Variants in MAGI2 observed in about 807,000 individuals in gnomAD.
MAGI2 encodes the protein membrane-associated guanylate kinase, WW and PDZ domain-containing protein 2.
MAGI2 carries 35 observed loss-of-function variants against 133.3 expected under a neutral mutation model. That is an observed-to-expected ratio of 0.26 (90% CI 0.20 to 0.35). MAGI2 has a LOEUF of 0.35. Among genes scored for constraint, MAGI2 ranks in the 10% least tolerant of loss-of-function variants. The pLI is 1.00. For missense variants in MAGI2, 1,636 were observed against 1,863.4 expected, an observed-to-expected ratio of 0.88 and a Z score of 2.25; for synonymous variants, 729 against 710.6, an observed-to-expected ratio of 1.03 and a Z score of -0.41.
intron 20 of MAGI2, among the ~76,000 whole-genome samples, chr7:78,085,403 T>A (rs1219906744): frequency 6.6e-6 from 1 of 151,806 alleles, no homozygotes; most frequent in African/African-American, 2.4e-5. Context: ...TGGTGGTGCA[T>A]GCCTAGCTAC....
Position 79,118,837 on chromosome 7 carries a change from T to TCA in MAGI2, c.302-111632_302-111631insTG, listed in dbSNP as rs1554367923. 5.3e-5 allele frequency among the ~76,000 whole-genome samples: 8 copies of TCA among 152,228 alleles called. No homozygotes were observed. The East Asian group carries it at 1.4e-3, about 26-fold the overall frequency. The stretch of plus-strand genomic sequence containing the variant: ...TTGGCTTCAGGATATCATTGCTTCT[T>TCA]TATATATATCAATTAAGAAAGAAAC... On this transcript the variant is annotated intron_variant, in intron 1 of 21. Coordinates refer to ENST00000354212, the MANE Select transcript of MAGI2 (RefSeq NM_012301.4).
intron 20 of MAGI2, among the ~76,000 whole-genome samples, chr7:78,093,323 G>A (rs1485152335): frequency 2.0e-5 from 3 of 151,106 alleles, no homozygotes; most frequent in Non-Finnish European, 4.4e-5. Context: ...TCATGGTGGC[G>A]CACGCCTGTA....
intron 2 of MAGI2, among the ~76,000 whole-genome samples, chr7:78,983,607 A>T (rs962077938): frequency 6.6e-6 from 1 of 152,100 alleles, no homozygotes; most frequent in African/African-American, 2.4e-5. Flanking sequence ...CTTGCATTCT[A>T]TATAAAAAAG....
intron 13 of MAGI2, among the ~76,000 whole-genome samples, chr7:78,183,306 G>A (rs2150698968): frequency 7.5e-6 from 1 of 132,838 alleles, no homozygotes; most frequent in Non-Finnish European, 1.6e-5. Flanking sequence ...TCGCTCTGTT[G>A]CCAGACTGGA....
chr7:78,807,466 T>A (rs553053504), intron 2 of MAGI2, among the ~76,000 whole-genome samples: 65 of 152,298 alleles, frequency 4.3e-4, no homozygotes, highest in Non-Finnish European at 8.4e-4. Context: ...TTTCATTCAG[T>A]CTGTTGCAAT....
intron 1 of MAGI2, among the ~76,000 whole-genome samples, chr7:79,379,819 C>T (rs1324883817): frequency 6.8e-6 from 1 of 147,154 alleles, no homozygotes; most frequent in African/African-American, 2.5e-5. Flanking sequence ...CTCATTATTT[C>T]TCCCCCCAAC....
At chr7:79,290,282 C>T (rs1328517688) in intron 1 of MAGI2, among the ~76,000 whole-genome samples, 2 of 151,868 alleles carry the variant, frequency 1.3e-5, no homozygotes, top group African/African-American at 4.8e-5. Flanking sequence ...GCTAAACTCA[C>T]CACTTTCCTT....
At position 78,765,701 on chromosome 7, in the gene MAGI2, C is replaced by T. The variant is rs141725458; in HGVS notation, c.419-138462G>A. On this transcript the variant is annotated intron_variant, in intron 2 of 21. Transcript: ENST00000354212. ...TGATTTGAAGTCCTACAGATAGATA[C>T]GGTTGTGAGCAAAATGAATTTGGAC... Among the ~76,000 whole-genome samples the T allele has an allele frequency of 5.8e-3, 885 of 152,076 alleles. 3 individuals carry two copies. Among genetic ancestry groups the T allele is most frequent in the African/African-American group, 0.02 (833 of 41,460 alleles).
intron 6 of MAGI2, among the ~76,000 whole-genome samples, chr7:78,462,000 A>G (rs1326710321): frequency 6.6e-6 from 1 of 151,040 alleles, no homozygotes; most frequent in Non-Finnish European, 1.5e-5. Context: ...TTAAGTGATT[A>G]TAAGGTGAGG....
intron 1 of MAGI2, among the ~76,000 whole-genome samples, chr7:79,396,270 A>G (rs1294173003): frequency 6.6e-6 from 1 of 151,960 alleles, no homozygotes; most frequent in Non-Finnish European, 1.5e-5. Flanking sequence ...TGTCCATTCT[A>G]TGTTCTCTTT....
chr7:79,380,025 AC>A (rs1843671466), intron 1 of MAGI2, among the ~76,000 whole-genome samples: 1 of 151,718 alleles, frequency 6.6e-6, no homozygotes, highest in South Asian at 2.1e-4. Context: ...TAAATGTTAG[AC>A]CTAAAACCAT....
intron 1 of MAGI2, among the ~76,000 whole-genome samples, chr7:79,438,563 G>T (rs1440851643): frequency 1.3e-5 from 2 of 152,054 alleles, no homozygotes; most frequent in South Asian, 4.1e-4. Context: ...CCCCTGTACA[G>T]TAAATTTTCG....
intron 9 of MAGI2, among the ~76,000 whole-genome samples, chr7:78,295,107 TTA>T (rs573404971): frequency 2.0e-5 from 3 of 152,114 alleles, no homozygotes; most frequent in Non-Finnish European, 4.4e-5. Flanking sequence ...TCTATGACTT[TTA>T]GTTTTTTGTG....
chr7:78,029,672 CTGCGTGTTGAAAACCAT>C (rs1338273379), intron 21 of MAGI2, among the ~76,000 whole-genome samples: 18 of 152,002 alleles, frequency 1.2e-4, no homozygotes, highest in Admixed American at 1.3e-4. Context: ...TTGAAAACTA[CTGCGTGTTGAAAACCAT>C]TGCGTGTTGA....
chr7:78,787,425 G>GA (rs575226856), intron 2 of MAGI2, among the ~76,000 whole-genome samples: 1 of 152,158 alleles, frequency 6.6e-6, no homozygotes, highest in Non-Finnish European at 1.5e-5. Flanking sequence ...GTACACATGA[G>GA]AAAATAGAGT....
At chr7:78,145,989 C>G (rs945655942) in intron 16 of MAGI2, among the ~76,000 whole-genome samples, 1 of 152,100 alleles carries the variant, frequency 6.6e-6, no homozygotes, top group African/African-American at 2.4e-5. Flanking sequence ...CACAAACAGT[C>G]AGTTTGTAGT....
Position 78,792,731 on chromosome 7 carries a change from G to GA in MAGI2, c.419-165493dup, listed in dbSNP as rs200272743. ...ATTGCACAAGTGTAAGTGGTTAACT[G>GA]AAAAAAAGAAGTAATTCATATAGTG... On this transcript the variant is annotated intron_variant, in intron 2 of 21. Transcript: ENST00000354212. Among the ~76,000 whole-genome samples, 1,316 of 152,026 alleles carry GA rather than the reference G, an allele frequency of 8.7e-3. 15 individuals are homozygous for GA. The highest frequency in any genetic ancestry group is 0.03 in the African/African-American group (1,260 of 41,452).
intron 1 of MAGI2, among the ~76,000 whole-genome samples, chr7:79,234,442 T>C (rs1347885759): frequency 6.6e-6 from 1 of 151,896 alleles, no homozygotes; most frequent in African/African-American, 2.4e-5. Flanking sequence ...CAATCAGACG[T>C]AGATTTGGTC....
In MAGI2 at chr7:79,259,385, T is replaced by C. The variant is rs187562345; in HGVS notation, c.301+193635A>G. 4.8e-3 allele frequency among the ~76,000 whole-genome samples: 738 copies of C among 152,326 alleles called. 14 individuals carry two copies. In the South Asian group the frequency reaches 0.052, roughly 11 times the overall value. On this transcript the variant is annotated intron_variant, in intron 1 of 21. Transcript: ENST00000354212. ...AATCACACAGAACTCTCTCTGTTTG[T>C]TATATCAAGATTGACTTTATTCTGT...
Sources: gnomAD v4.1 joint callset for allele counts (sites outside exome capture counted in the v4.1 genomes callset) on GRCh38, gnomAD v4.1.1 for gene constraint, MANE v1.5 for transcripts, NCBI Gene and HGNC (gene_info 2026-07-23, HGNC 2026-07-21) for gene names.